Variants in CFAP300 observed in about 807,000 individuals in gnomAD.
CFAP300 encodes the protein cilia- and flagella-associated protein 300.
In CFAP300, 32 loss-of-function variants were observed where a neutral mutation model predicts 33.0. The observed-to-expected ratio is 0.97, with a 90% confidence interval of 0.73 to 1.30. CFAP300 has a LOEUF of 1.30. CFAP300 is among the 50% of genes most tolerant of loss of function. CFAP300 has a pLI of 0.00. For missense variants in CFAP300, 356 were observed against 318.1 expected, an observed-to-expected ratio of 1.12 and a Z score of -0.90; for synonymous variants, 102 against 106.8, an observed-to-expected ratio of 0.95 and a Z score of 0.28.
intron 2 of CFAP300, 24 bp from the exon 3 acceptor site, chr11:102,058,856 A>G (rs777289356): frequency 7.5e-7 from 1 of 1,340,930 alleles, no homozygotes; most frequent in Admixed American, 2.1e-5. Flanking sequence ...TATCTAACTT[A>G]TTCCCCTCAA....
intron 2 of CFAP300, among the ~76,000 whole-genome samples, chr11:102,055,946 G>A (rs1942050721): frequency 6.6e-6 from 1 of 152,130 alleles, no homozygotes; most frequent in Non-Finnish European, 1.5e-5. Flanking sequence ...TGGGATTACA[G>A]GCATGAGCCA....
chr11:102,066,693 C>T (rs1334591770), intron 4 of CFAP300, 42 bp downstream of exon 4: 1 of 1,549,490 alleles, frequency 6.5e-7, no homozygotes, highest in Non-Finnish European at 8.6e-7. Flanking sequence ...AATTTTATTT[C>T]AGGAAATGCA....
At chr11:102,070,688 A>G (rs564989480) in intron 4 of CFAP300, among the ~76,000 whole-genome samples, 19 of 152,246 alleles carry the variant, frequency 1.2e-4, no homozygotes, top group Admixed American at 2.0e-4. Flanking sequence ...TTTTTGCTGT[A>G]AACTTCTCTT....
intron 3 of CFAP300, among the ~76,000 whole-genome samples, chr11:102,059,208 A>G (rs1942104365): frequency 1.3e-5 from 2 of 151,946 alleles, no homozygotes; most frequent in Non-Finnish European, 2.9e-5. Context: ...TGTATTTTCC[A>G]TGTACTCTGC....
intron 4 of CFAP300, among the ~76,000 whole-genome samples, chr11:102,067,206 C>T (rs539647498): frequency 6.6e-6 from 1 of 152,234 alleles, no homozygotes. Context: ...AGGCTGGTGG[C>T]TCACACCTGT....
intron 4 of CFAP300, among the ~76,000 whole-genome samples, chr11:102,071,699 T>C (rs1942314420): frequency 1.3e-5 from 2 of 152,180 alleles, no homozygotes; most frequent in Non-Finnish European, 2.9e-5. Context: ...TTCTCTTTTA[T>C]TTATGAAGGA....
chr11:102,055,446 C>A (rs986842621), intron 2 of CFAP300, among the ~76,000 whole-genome samples: 25 of 148,568 alleles, frequency 1.7e-4, no homozygotes, highest in African/African-American at 5.5e-4. Context: ...AACCTCCACT[C>A]CCCTGGGCTT....
In CFAP300 at chr11:102,066,649, A is replaced by T. The variant is rs754773453; in HGVS notation, c.433A>T (p.Arg145Ter). 10 of 1,600,566 alleles carry T rather than the reference A, an allele frequency of 6.2e-6. No individual in the cohort carries two copies. Among genetic ancestry groups the T allele is most frequent in the Non-Finnish European group, 8.5e-6 (10 of 1,177,100 alleles). The part of the protein sequence containing the change: ...DPFLISDELR[R>*]VLLVEDSEKY... ...ATTTCTCATTTCTGATGAGTTACGA[A>T]GAGTAAGTACAGAATTTTAAAATTT... Residue 145 changes from arginine to a stop codon, truncating the protein, a stop_gained and splice_region_variant, in exon 4 of 7, where the codon AGA becomes TGA. Coordinates refer to ENST00000434758, the MANE Select transcript of CFAP300 (RefSeq NM_032930.3). LOFTEE classifies it high-confidence loss of function.
intron 4 of CFAP300, among the ~76,000 whole-genome samples, chr11:102,067,666 A>G (rs1034988204): frequency 5.9e-5 from 9 of 152,198 alleles, no homozygotes; most frequent in Non-Finnish European, 1.0e-4. Context: ...AAGCATTTAC[A>G]TGTACCTTTT....
chr11:102,069,133 T>A (rs983216513), intron 4 of CFAP300, among the ~76,000 whole-genome samples: 7 of 152,232 alleles, frequency 4.6e-5, no homozygotes, highest in Non-Finnish European at 8.8e-5. Context: ...GCACCTTTAT[T>A]CATGAAATGC....
chr11:102,073,633 C>A (rs1055930516), intron 4 of CFAP300, among the ~76,000 whole-genome samples: 9 of 152,122 alleles, frequency 5.9e-5, no homozygotes, highest in Non-Finnish European at 1.3e-4. Flanking sequence ...AGCTGTGGCC[C>A]TGCTGCATGG....
intron 3 of CFAP300, among the ~76,000 whole-genome samples, chr11:102,066,036 C>A (rs1942220299): frequency 1.3e-5 from 2 of 150,238 alleles, no homozygotes; most frequent in Admixed American, 1.3e-4. Flanking sequence ...TGGCTCACTG[C>A]AACCTCTGCC....
At chr11:102,059,493 A>T (rs1591317477) in intron 3 of CFAP300, among the ~76,000 whole-genome samples, 1 of 152,040 alleles carries the variant, frequency 6.6e-6, no homozygotes, top group African/African-American at 2.4e-5. Flanking sequence ...TACTAAAAAT[A>T]CAAAAATTAG....
intron 6 of CFAP300, 85 bp downstream of exon 6, chr11:102,081,366 C>A (rs1565399393): frequency 1.9e-6 from 2 of 1,033,040 alleles, no homozygotes; most frequent in Non-Finnish European, 3.0e-6. Context: ...ACAATCAGGA[C>A]AATGTTATGC....
rs754550272 is a variant in CFAP300, at chr11:102,083,140, C to A, written c.745C>A (p.Pro249Thr). Residue 249 changes from proline (P) to threonine (T), a missense_variant, in exon 7 of 7, where the codon CCT (proline) becomes ACT (threonine). By Grantham distance (38) the Pro-to-Thr change is conservative. Transcript: ENST00000434758. ...EQTFSYFIVD[P>T]IRRHLHVLYH... ...GACATTTTCTTACTTTATTGTGGAT[C>A]CTATCAGGCGTCACCTTCATGTTTT... The A allele has an allele frequency of 1.9e-6, 3 of 1,568,964 alleles. No individual in the cohort carries two copies. Among genetic ancestry groups the A allele is most frequent in the Non-Finnish European group, 2.6e-6 (3 of 1,155,268 alleles).
At chr11:102,057,903 T>C (rs1216938052) in intron 2 of CFAP300, 1 of 152,320 alleles carries the variant, frequency 6.6e-6, no homozygotes, top group African/African-American at 2.4e-5. Context: ...GGATTGGGCC[T>C]GGTTAGTACT....
At position 102,066,620 on chromosome 11, in the gene CFAP300, A is replaced by G; in HGVS notation, c.404A>G (p.Asp135Gly). ...HIVKCLDSFC[D>G]PFLISDELRR... ...GTTAAATGTTTAGATTCTTTTTGTG[A>G]TCCATTTCTCATTTCTGATGAGTTA... Residue 135 changes from aspartate to glycine, a missense_variant, in exon 4 of 7, where the codon GAT becomes GGT. Transcript: ENST00000434758. 1 of 1,607,804 alleles carries G rather than the reference A, an allele frequency of 6.2e-7. No homozygotes were observed. The highest frequency in any genetic ancestry group is 2.2e-5 in the East Asian group (1 of 44,576).
chr11:102,053,793 G>A (rs867413810), intron 2 of CFAP300, among the ~76,000 whole-genome samples: 3 of 152,150 alleles, frequency 2.0e-5, no homozygotes, highest in African/African-American at 7.2e-5. Context: ...GATCTAGATC[G>A]ATTTTAGATC....
chr11:102,052,421 G>C (rs947767298), intron 2 of CFAP300, among the ~76,000 whole-genome samples: 2 of 152,102 alleles, frequency 1.3e-5, no homozygotes, highest in African/African-American at 4.8e-5. Flanking sequence ...TTATTTGAAA[G>C]ACTAAAATGT....
Sources: allele counts gnomAD v4.1 joint callset (sites outside exome capture counted in the v4.1 genomes callset), GRCh38; gene constraint gnomAD v4.1.1; transcripts MANE v1.5; gene names NCBI Gene and HGNC (gene_info 2026-07-23, HGNC 2026-07-21).